The following SOD2 variants were observed in gnomAD, a reference collection of about 807,000 sequenced individuals.
SOD2 encodes the protein superoxide dismutase 2.
SOD2 carries 11 observed loss-of-function variants against 27.0 expected under a neutral mutation model. The observed-to-expected ratio is 0.41, with a 90% CI of 0.26 to 0.67. The LOEUF (loss-of-function observed/expected upper bound fraction) is 0.67. SOD2 is among the 30% of genes least tolerant of loss of function. The probability of loss-of-function intolerance (pLI) is 0.34; values close to 1 mark genes in which losing one functional copy is unlikely to be tolerated. For synonymous variants in SOD2, 105 were observed against 103.0 expected (o/e 1.02, Z -0.12); for missense variants, 250 against 274.5 (o/e 0.91, Z 0.63).
intron 1 of SOD2, among the ~76,000 whole-genome samples, chr6:159,752,578 C>T (rs549690162): frequency 2.6e-5 from 4 of 151,996 alleles, no homozygotes; most frequent in African/African-American, 4.8e-5. Context: ...CAGATATTTG[C>T]GTGTTTGAAT....
chr6:159,761,581 C>A, exon 1 of SOD2: 1 of 456,014 alleles, frequency 2.2e-6, no homozygotes, highest in Middle Eastern at 3.3e-4. Flanking sequence ...GTGCTGAGAC[C>A]CGCCGCGGGC....
At chr6:159,762,157 G>A in exon 1 of SOD2, 1 of 1,608,428 alleles carries the variant, frequency 6.2e-7, no homozygotes, top group Non-Finnish European at 8.5e-7. Flanking sequence ...GTGGCCGGCG[G>A]GAGCCGCGCA....
intron 1 of SOD2, among the ~76,000 whole-genome samples, chr6:159,715,742 A>T (rs1777912466): frequency 6.6e-6 from 1 of 151,910 alleles, no homozygotes; most frequent in Non-Finnish European, 1.5e-5. Flanking sequence ...TCCATAAAAA[A>T]TGCAAAAATT....
At chr6:159,723,932 A>G (rs1309368720) in intron 1 of SOD2, among the ~76,000 whole-genome samples, 1 of 151,860 alleles carries the variant, frequency 6.6e-6, no homozygotes, top group Non-Finnish European at 1.5e-5. Context: ...CTATTTTATT[A>G]TTTTGTATTT....
chr6:159,729,227 T>G (rs1320897120), upstream of SOD2, among the ~76,000 whole-genome samples: 3 of 152,196 alleles, frequency 2.0e-5, no homozygotes, highest in Non-Finnish European at 4.4e-5. Flanking sequence ...TGTATTTGCT[T>G]CTTGCTCCTC....
At chr6:159,759,600 G>T (rs1253887610) in intron 1 of SOD2, among the ~76,000 whole-genome samples, 1 of 151,270 alleles carries the variant, frequency 6.6e-6, no homozygotes, top group Admixed American at 6.6e-5. Context: ...AACCCGGGAG[G>T]TGGAGGTTGT....
intron 1 of SOD2, among the ~76,000 whole-genome samples, chr6:159,734,769 T>C (rs559205677): frequency 3.5e-4 from 53 of 152,364 alleles, no homozygotes; most frequent in African/African-American, 1.2e-3. Context: ...CTCAGAACCC[T>C]GATTCAATTT....
At chr6:159,704,649 C>T (rs1777587926) in intron 1 of SOD2, among the ~76,000 whole-genome samples, 1 of 152,228 alleles carries the variant, frequency 6.6e-6, no homozygotes, top group Admixed American at 6.5e-5. Flanking sequence ...GGATGGAGCC[C>T]ACTGCAGCTC....
chr6:159,712,915 A>C, intron 1 of SOD2: 1 of 644,024 alleles, frequency 1.6e-6, no homozygotes, highest in South Asian at 1.8e-5. Context: ...TTCCTATAGC[A>C]TTTAAAAAGG....
chr6:159,715,248 C>CA (rs1377117039), intron 1 of SOD2, among the ~76,000 whole-genome samples: 1 of 151,888 alleles, frequency 6.6e-6, no homozygotes, highest in African/African-American at 2.4e-5. Context: ...TGGCCAGTGG[C>CA]ACTGGGACCC....
At chr6:159,741,216 T>A (rs1185080579) in intron 1 of SOD2, among the ~76,000 whole-genome samples, 1 of 152,140 alleles carries the variant, frequency 6.6e-6, no homozygotes, top group East Asian at 1.9e-4. Flanking sequence ...TAGCAGTGTA[T>A]ATATTCAGGG....
At chr6:159,710,486 C>G (rs1308780385) in intron 1 of SOD2, among the ~76,000 whole-genome samples, 1 of 151,938 alleles carries the variant, frequency 6.6e-6, no homozygotes, top group East Asian at 1.9e-4. Flanking sequence ...AGAAGCTGAC[C>G]AAGAGTGATC....
At chr6:159,711,595 A>C (rs202186569) in intron 1 of SOD2, among the ~76,000 whole-genome samples, 2,690 of 68,920 alleles carry the variant, frequency 0.039, 291 homozygotes, top group East Asian at 0.12. Flanking sequence ...TCTGACCACC[A>C]TAACCACCTC....
chr6:159,749,207 C>A, upstream of SOD2: 1 of 985,800 alleles, frequency 1.0e-6, no homozygotes, highest in African/African-American at 1.7e-5. Flanking sequence ...GCATTATAAA[C>A]ATTCATTTCA....
chr6:159,684,082 C>T (rs528386911), intron 4 of SOD2, among the ~76,000 whole-genome samples: 1 of 151,950 alleles, frequency 6.6e-6, no homozygotes, highest in Non-Finnish European at 1.5e-5. Flanking sequence ...CACTTCCAAG[C>T]CGAATATTTT....
chr6:159,738,055 T>A (rs1463373102), intron 1 of SOD2, among the ~76,000 whole-genome samples: 1 of 152,210 alleles, frequency 6.6e-6, no homozygotes, highest in African/African-American at 2.4e-5. Flanking sequence ...GGAATTGACA[T>A]TGGTACAATC....
intron 1 of SOD2, chr6:159,743,574 AAT>A (rs1779389097): frequency 8.1e-7 from 1 of 1,240,024 alleles, no homozygotes; most frequent in Non-Finnish European, 1.1e-6. Context: ...AGACTTGATT[AAT>A]TTTTTGACCC....
intron 1 of SOD2, among the ~76,000 whole-genome samples, chr6:159,702,144 T>G (rs1777532343): frequency 6.6e-6 from 1 of 152,196 alleles, no homozygotes; most frequent in African/African-American, 2.4e-5. Context: ...GATTACATTC[T>G]CTGTAGTTAG....
intron 1 of SOD2, among the ~76,000 whole-genome samples, chr6:159,751,090 TG>T (rs1377349017): frequency 6.6e-6 from 1 of 152,260 alleles, no homozygotes; most frequent in Non-Finnish European, 1.5e-5. Flanking sequence ...ATTTTAGGAA[TG>T]GGTTGATTTT....
Sources: gnomAD v4.1 joint callset for allele counts (sites outside exome capture counted in the v4.1 genomes callset) on GRCh38, gnomAD v4.1.1 for gene constraint, MANE v1.5 for transcripts, NCBI Gene and HGNC (gene_info 2026-07-23, HGNC 2026-07-21) for gene names.